Variants in LDLRAD4 observed in about 807,000 individuals in gnomAD.
LDLRAD4 encodes low density lipoprotein receptor class A domain containing 4.
Under a neutral mutation model 17.0 loss-of-function variants are expected in LDLRAD4, and 5 were observed. That is an observed-to-expected ratio of 0.29 (90% CI 0.15 to 0.62). The LOEUF is 0.62. Ranked by LOEUF, LDLRAD4 falls within the 20% of genes least tolerant of loss-of-function variation. The probability of loss-of-function intolerance (pLI) is 0.84; values close to 1 mark genes in which losing one functional copy is unlikely to be tolerated. For missense variants in LDLRAD4, 340 were observed against 424.7 expected, an observed-to-expected ratio of 0.80 and a Z score of 1.75; for synonymous variants, 168 against 171.8, an observed-to-expected ratio of 0.98 and a Z score of 0.17.
intron 4 of LDLRAD4, among the ~76,000 whole-genome samples, chr18:13,624,154 C>CCCCACCAGGTGCTGAGCACTGCCGGA (rs11283860): frequency 5.3e-5 from 8 of 151,854 alleles, no homozygotes; most frequent in Non-Finnish European, 7.4e-5. Flanking sequence ...GAGGAGCCGG[C>CCCCACCAGGTGCTGAGCACTGCCGGA]CCCACCAGGT....
chr18:13,588,953 G>C (rs1164028449), intron 3 of LDLRAD4, among the ~76,000 whole-genome samples: 1 of 141,848 alleles, frequency 7.0e-6, no homozygotes, highest in African/African-American at 2.7e-5. Flanking sequence ...TTTTGAGACA[G>C]AGTCTCGCTC....
chr18:13,455,747 A>G (rs556277803), intron 3 of LDLRAD4, among the ~76,000 whole-genome samples: 1 of 152,218 alleles, frequency 6.6e-6, no homozygotes, highest in South Asian at 2.1e-4. Flanking sequence ...CCTCCCCTTC[A>G]GCTGCATTCA....
intron 1 of LDLRAD4, among the ~76,000 whole-genome samples, chr18:13,325,878 G>A (rs1326737046): frequency 1.3e-5 from 2 of 151,542 alleles, no homozygotes; most frequent in Non-Finnish European, 2.9e-5. Flanking sequence ...TCAGCCTCCC[G>A]AGTAGCCGGG....
chr18:13,438,757 A>C (rs1177603318), intron 3 of LDLRAD4, among the ~76,000 whole-genome samples: 3 of 152,234 alleles, frequency 2.0e-5, no homozygotes, highest in Non-Finnish European at 4.4e-5. Context: ...ATGCAACTGA[A>C]ATATGAAAGT....
intron 2 of LDLRAD4, among the ~76,000 whole-genome samples, chr18:13,426,762 A>G (rs893650718): frequency 6.6e-6 from 1 of 152,234 alleles, no homozygotes; most frequent in Non-Finnish European, 1.5e-5. Context: ...CTCCTGCAGT[A>G]GAACATCCTG....
At chr18:13,363,112 C>T (rs950018344) in intron 1 of LDLRAD4, among the ~76,000 whole-genome samples, 9 of 152,062 alleles carry the variant, frequency 5.9e-5, no homozygotes, top group South Asian at 2.1e-4. Flanking sequence ...GGGCGGATCA[C>T]GAGGTCAGCA....
At chr18:13,477,542 G>A (rs1304545280) in intron 3 of LDLRAD4, among the ~76,000 whole-genome samples, 4 of 152,230 alleles carry the variant, frequency 2.6e-5, no homozygotes, top group African/African-American at 9.7e-5. Context: ...TGGCTTGGAT[G>A]TTGATCTTTG....
chr18:13,455,107 G>T (rs1227706381), intron 3 of LDLRAD4, among the ~76,000 whole-genome samples: 1 of 152,196 alleles, frequency 6.6e-6, no homozygotes, highest in African/African-American at 2.4e-5. Flanking sequence ...TGGGGAGGGG[G>T]CATAGGTGCT....
chr18:13,397,008 C>T (rs1245454252), intron 2 of LDLRAD4, among the ~76,000 whole-genome samples: 1 of 152,234 alleles, frequency 6.6e-6, no homozygotes, highest in South Asian at 2.1e-4. Flanking sequence ...CAACAGGCCT[C>T]CAGACTCCCT....
chr18:13,325,399 G>C (rs1474568716), intron 1 of LDLRAD4, among the ~76,000 whole-genome samples: 1 of 152,128 alleles, frequency 6.6e-6, no homozygotes, highest in African/African-American at 2.4e-5. Flanking sequence ...CCTTTGAGAC[G>C]GCTCCAACCA....
At chr18:13,482,236 G>A (rs1208013655) in intron 3 of LDLRAD4, among the ~76,000 whole-genome samples, 13 of 152,142 alleles carry the variant, frequency 8.5e-5, no homozygotes, top group Admixed American at 7.9e-4. Context: ...CCCTGGGGAC[G>A]GTTGCCTCTG....
chr18:13,597,541 G>T (rs1289823075), intron 3 of LDLRAD4, among the ~76,000 whole-genome samples: 4 of 144,230 alleles, frequency 2.8e-5, no homozygotes, highest in Non-Finnish European at 6.0e-5. Flanking sequence ...CTTTCCTGTG[G>T]TACTCCTAAT....
intron 1 of LDLRAD4, among the ~76,000 whole-genome samples, chr18:13,386,473 TTCTCCTGCCTCAG>T (rs2085811735): frequency 6.6e-6 from 1 of 152,078 alleles, no homozygotes; most frequent in African/African-American, 2.4e-5. Flanking sequence ...GTTCAAGTGA[TTCTCCTGCCTCAG>T]CCTCCCGAGT....
At chr18:13,638,248 G>A (rs550052619) in intron 4 of LDLRAD4, among the ~76,000 whole-genome samples, 1 of 152,186 alleles carries the variant, frequency 6.6e-6, no homozygotes, top group East Asian at 1.9e-4. Context: ...TCTCCAGCCT[G>A]GGCAACATAG....
At chr18:13,448,547 G>A (rs2091578967) in intron 3 of LDLRAD4, among the ~76,000 whole-genome samples, 1 of 152,086 alleles carries the variant, frequency 6.6e-6, no homozygotes, top group South Asian at 2.1e-4. Flanking sequence ...CGGGGATGGA[G>A]TTTATGTGAT....
chr18:13,358,460 C>T (rs2083470171), intron 1 of LDLRAD4, among the ~76,000 whole-genome samples: 2 of 147,030 alleles, frequency 1.4e-5, no homozygotes, highest in Admixed American at 1.3e-4. Flanking sequence ...TTATCTCCTT[C>T]CATCTACACT....
intron 2 of LDLRAD4, among the ~76,000 whole-genome samples, chr18:13,414,262 T>C (rs944096699): frequency 6.6e-6 from 1 of 152,230 alleles, no homozygotes; most frequent in African/African-American, 2.4e-5. Context: ...CCACCATTGC[T>C]TGGCTTTGTT....
chr18:13,318,045 TGAGTATACATCTGCCACTC>T (rs2081022223), intron 1 of LDLRAD4, among the ~76,000 whole-genome samples: 2 of 152,150 alleles, frequency 1.3e-5, no homozygotes, highest in South Asian at 4.1e-4. Context: ...ACCGTGTGGT[TGAGTATACATCTGCCACTC>T]GTCCGGTCCC....
chr18:13,399,802 G>A (rs1308629475), intron 2 of LDLRAD4, among the ~76,000 whole-genome samples: 2 of 152,204 alleles, frequency 1.3e-5, no homozygotes, highest in Non-Finnish European at 2.9e-5. Flanking sequence ...AACAAAACAA[G>A]CCTCGGATTC....
Sources: gnomAD v4.1 joint callset for allele counts (sites outside exome capture counted in the v4.1 genomes callset) on GRCh38, gnomAD v4.1.1 for gene constraint, MANE v1.5 for transcripts, NCBI Gene and HGNC (gene_info 2026-07-23, HGNC 2026-07-21) for gene names.